The following LRRC4C variants were observed in gnomAD, a reference collection of about 807,000 sequenced individuals.
LRRC4C encodes leucine rich repeat containing 4C.
A neutral mutation model predicts 33.6 loss-of-function variants in LRRC4C; 5 were observed. That is an observed-to-expected ratio of 0.15 (90% CI 0.08 to 0.31). The LOEUF is 0.31. Ranked by LOEUF, LRRC4C falls within the 10% of genes least tolerant of loss-of-function variation. The pLI, the probability that LRRC4C is intolerant of heterozygous loss-of-function variation, is 1.00. For missense variants in LRRC4C, 560 were observed against 796.7 expected, an observed-to-expected ratio of 0.70 and a Z score of 3.58; for synonymous variants, 329 against 302.0, an observed-to-expected ratio of 1.09 and a Z score of -0.93.
chr11:41,084,593 A>C (rs1939817233), intron 1 of LRRC4C, among the ~76,000 whole-genome samples: 1 of 152,206 alleles, frequency 6.6e-6, no homozygotes, highest in Non-Finnish European at 1.5e-5. Flanking sequence ...TCACGCCTGT[A>C]ATCACAGCAC....
chr11:40,346,579 C>G (rs1947140656), intron 3 of LRRC4C, among the ~76,000 whole-genome samples: 1 of 152,046 alleles, frequency 6.6e-6, no homozygotes, highest in Non-Finnish European at 1.5e-5. Flanking sequence ...GGGAGAGGAT[C>G]AGGGAAAGTA....
At chr11:40,601,538 G>T (rs1959991458) in intron 3 of LRRC4C, among the ~76,000 whole-genome samples, 1 of 152,182 alleles carries the variant, frequency 6.6e-6, no homozygotes, top group African/African-American at 2.4e-5. Flanking sequence ...GAAAAAAAGT[G>T]GCCAGGTGAT....
At chr11:41,457,990 C>CT (rs892783185) in intron 1 of LRRC4C, among the ~76,000 whole-genome samples, 23 of 151,918 alleles carry the variant, frequency 1.5e-4, no homozygotes, top group African/African-American at 4.8e-4. Flanking sequence ...TTTGTAACTC[C>CT]TTTTTTTAAA....
intron 3 of LRRC4C, among the ~76,000 whole-genome samples, chr11:40,420,487 G>A (rs546715470): frequency 1.3e-5 from 2 of 152,144 alleles, no homozygotes; most frequent in East Asian, 3.9e-4. Context: ...TTCCCGTCTT[G>A]CTCTGAACTC....
chr11:40,401,429 A>G (rs959081686), intron 3 of LRRC4C, among the ~76,000 whole-genome samples: 3 of 152,102 alleles, frequency 2.0e-5, no homozygotes, highest in African/African-American at 7.2e-5. Context: ...TCATGCAAAC[A>G]TGTGACTTAT....
chr11:41,337,126 C>G (rs1348465138), intron 1 of LRRC4C, among the ~76,000 whole-genome samples: 1 of 152,000 alleles, frequency 6.6e-6, no homozygotes, highest in Non-Finnish European at 1.5e-5. Context: ...CTCACTGAAG[C>G]CTCCAACTCC....
intron 1 of LRRC4C, among the ~76,000 whole-genome samples, chr11:41,117,315 T>A (rs1942184528): frequency 6.6e-6 from 1 of 152,108 alleles, no homozygotes; most frequent in African/African-American, 2.4e-5. Context: ...ACTTTTAGAG[T>A]GGTTTACTGA....
intron 1 of LRRC4C, among the ~76,000 whole-genome samples, chr11:41,089,514 C>A (rs1940244683): frequency 6.6e-6 from 1 of 151,896 alleles, no homozygotes; most frequent in African/African-American, 2.4e-5. Context: ...AATGTAAAGG[C>A]CAGTTTTCAT....
At chr11:41,068,812 T>C (rs995965349) in intron 1 of LRRC4C, among the ~76,000 whole-genome samples, 3 of 152,016 alleles carry the variant, frequency 2.0e-5, no homozygotes, top group Non-Finnish European at 2.9e-5. Context: ...CAGAACCAGA[T>C]GGATTAACGG....
At chr11:40,553,269 C>G (rs866998063) in intron 3 of LRRC4C, among the ~76,000 whole-genome samples, 3 of 119,036 alleles carry the variant, frequency 2.5e-5, no homozygotes, top group African/African-American at 9.2e-5. Context: ...GAGACTCTGT[C>G]TAAAAAACAA....
At chr11:40,365,918 T>C (rs1407411786) in intron 3 of LRRC4C, among the ~76,000 whole-genome samples, 1 of 152,106 alleles carries the variant, frequency 6.6e-6, no homozygotes, top group Non-Finnish European at 1.5e-5. Context: ...ATATTACATA[T>C]ACTGTCGTGC....
chr11:41,030,139 T>C (rs540973080), intron 1 of LRRC4C, among the ~76,000 whole-genome samples: 29 of 152,004 alleles, frequency 1.9e-4, no homozygotes, highest in African/African-American at 7.0e-4. Flanking sequence ...AGAAAAAATA[T>C]GCATAATTAA....
intron 2 of LRRC4C, among the ~76,000 whole-genome samples, chr11:40,701,081 A>G (rs771015792): frequency 7.8e-4 from 118 of 152,152 alleles, no homozygotes; most frequent in Non-Finnish European, 1.3e-3. Flanking sequence ...CACCTCCCAT[A>G]AAAGTGTCTA....
intron 3 of LRRC4C, among the ~76,000 whole-genome samples, chr11:40,420,748 T>C (rs555395952): frequency 6.6e-6 from 1 of 152,276 alleles, no homozygotes; most frequent in South Asian, 2.1e-4. Flanking sequence ...CTCATGAGTG[T>C]TGGAGCCAGA....
At chr11:40,331,674 G>T (rs1001319632) in intron 3 of LRRC4C, among the ~76,000 whole-genome samples, 1 of 152,124 alleles carries the variant, frequency 6.6e-6, no homozygotes, top group African/African-American at 2.4e-5. Context: ...GAGGAAGTTT[G>T]AATTCTCTCT....
chr11:40,653,689 C>G (rs1034937642), intron 2 of LRRC4C, among the ~76,000 whole-genome samples: 2 of 152,132 alleles, frequency 1.3e-5, no homozygotes, highest in African/African-American at 2.4e-5. Context: ...GAAAAGAAAA[C>G]CTCATTTTCT....
intron 1 of LRRC4C, among the ~76,000 whole-genome samples, chr11:41,005,645 C>A (rs181298928): frequency 6.6e-6 from 1 of 152,128 alleles, no homozygotes; most frequent in Non-Finnish European, 1.5e-5. Context: ...CCTGGCGCCT[C>A]TCACTCTCTG....
chr11:40,817,215 G>T (rs1458067687), intron 2 of LRRC4C, among the ~76,000 whole-genome samples: 1 of 152,094 alleles, frequency 6.6e-6, no homozygotes, highest in Non-Finnish European at 1.5e-5. Context: ...TAACTGAAAA[G>T]AAATACAGGT....
intron 5 of LRRC4C, among the ~76,000 whole-genome samples, chr11:40,158,292 A>G (rs1242098875): frequency 1.3e-5 from 2 of 152,080 alleles, no homozygotes; most frequent in African/African-American, 2.4e-5. Context: ...TGAAGGATAA[A>G]AGACTACAAA....
Sources: gnomAD v4.1 joint callset for allele counts (sites outside exome capture counted in the v4.1 genomes callset) on GRCh38, gnomAD v4.1.1 for gene constraint, MANE v1.5 for transcripts, NCBI Gene and HGNC (gene_info 2026-07-23, HGNC 2026-07-21) for gene names.